The following KIAA1549 variants were observed in gnomAD, a reference collection of about 807,000 sequenced individuals.
KIAA1549 encodes the protein UPF0606 protein KIAA1549.
In KIAA1549, 70 loss-of-function variants were observed where a neutral mutation model predicts 156.4. The observed-to-expected ratio is 0.45, with a 90% CI of 0.37 to 0.55. The LOEUF (loss-of-function observed/expected upper bound fraction) is 0.55. Ranked by LOEUF, KIAA1549 falls within the 20% of genes least tolerant of loss-of-function variation. The pLI is 0.00. For synonymous variants in KIAA1549, 1,103 were observed against 1,066.4 expected, an observed-to-expected ratio of 1.03 and a Z score of -0.67; for missense variants, 2,428 against 2,540.9, an observed-to-expected ratio of 0.96 and a Z score of 0.96.
rs567943614 is a variant in KIAA1549, at chr7:138,848,999, C to A, written c.5294+3224G>T. Among the ~76,000 whole-genome samples, 19 of 152,264 alleles carry A rather than the reference C, an allele frequency of 1.2e-4. No homozygotes were observed. In the South Asian group the frequency reaches 3.9e-3, roughly 32 times the overall value. On this transcript the variant is annotated intron_variant, in intron 17 of 19. Transcript: ENST00000422774. ...CATCCCATCTCAGCCTCCAGAGTAG[C>A]TGGGATTACAACCATGCACCACTGC...
chr7:138,969,323 A>G (rs1380984616), intron 1 of KIAA1549, among the ~76,000 whole-genome samples: 2 of 152,116 alleles, frequency 1.3e-5, no homozygotes, highest in Admixed American at 6.5e-5. Context: ...CCATCCTTCT[A>G]CTTCCTGTCT....
chr7:138,894,160 A>C (rs1160951920), intron 10 of KIAA1549, among the ~76,000 whole-genome samples, 182 bp downstream of exon 10: 1 of 152,206 alleles, frequency 6.6e-6, no homozygotes, highest in Non-Finnish European at 1.5e-5. Context: ...TGTATTTACT[A>C]CCACAGAAGG....
At chr7:138,941,423 C>T (rs1265341181) in intron 1 of KIAA1549, among the ~76,000 whole-genome samples, 1 of 152,222 alleles carries the variant, frequency 6.6e-6, no homozygotes, top group Non-Finnish European at 1.5e-5. Context: ...GCATTTATTA[C>T]AGCACCTTTC....
intron 1 of KIAA1549, among the ~76,000 whole-genome samples, chr7:138,971,244 G>T (rs548922182): frequency 3.3e-5 from 5 of 152,242 alleles, no homozygotes; most frequent in African/African-American, 1.2e-4. Flanking sequence ...GAAGCCAGTT[G>T]TGTTTGCTCA....
chr7:138,976,052 CTTATT>C (rs774410656), intron 1 of KIAA1549, among the ~76,000 whole-genome samples: 4 of 152,126 alleles, frequency 2.6e-5, no homozygotes, highest in Admixed American at 2.0e-4. Flanking sequence ...ACAAAAAATG[CTTATT>C]TTATTTTACC....
rs374343503 is a variant in KIAA1549 at position 138,909,144 on chromosome 7, T to C, written c.3146-23A>G. On this transcript the variant is annotated intron_variant, in intron 4 of 19. Coordinates refer to ENST00000422774, the MANE Select transcript of KIAA1549 (RefSeq NM_001164665.2). ...GTACTGAAAAGAAAAGCAATCAAAG[T>C]CCCATAAATGAGGTGTTTGTGCTTC... 15 of 1,602,288 alleles carry C rather than the reference T, an allele frequency of 9.4e-6. No homozygotes were observed. The African/African-American group carries it at 1.3e-4, about 14-fold the overall frequency.
Position 138,835,158 on chromosome 7 carries a change from A to T in KIAA1549, c.*2748T>A, listed in dbSNP as rs1809670401. On this transcript the variant is annotated 3_prime_UTR_variant, in exon 20 of 20. Coordinates refer to ENST00000422774, the MANE Select transcript of KIAA1549 (RefSeq NM_001164665.2). ...CAAGGACCCTTCCTTTCAGTGGATG[A>T]CGTGAACTTAATGTCTGAAGACCGC... The T allele has an allele frequency of 4.5e-6, 1 of 220,420 alleles. No individual in the cohort carries two copies. The highest frequency in any genetic ancestry group is 9.1e-6 in the Non-Finnish European group (1 of 110,004). The allele number at this position is 220,420 out of a possible 1,614,324, so 13.7% of individuals were successfully genotyped here. A position where few individuals can be genotyped will look rare whatever the true frequency, so the allele number is the denominator to read the frequency against.
chr7:138,918,302 C>A lies in KIAA1549; in HGVS notation c.1324G>T (p.Val442Leu), dbSNP rs145624760. The change falls in exon 2 of 20, where the codon GTG (valine) becomes TTG (leucine). Residue 442 changes from valine to leucine, a missense_variant. Coordinates refer to ENST00000422774, the MANE Select transcript of KIAA1549 (RefSeq NM_001164665.2). This position sits in a 1 kb window ranked among gnomAD's most constrained non-coding sequence, Gnocchi z 4.2. The stretch of plus-strand genomic sequence containing the variant: ...GTCTCGGCACCATCCCCTGATCCCA[C>A]GTCTTTCTCCATGAGGCTCGTGGCC... ...VLATSLMEKD[V>L]GSGDGAETLC... 182 of 1,614,026 alleles carry A rather than the reference C, an allele frequency of 1.1e-4. No homozygotes were observed. In the African/African-American group the frequency reaches 1.9e-3, roughly 17 times the overall value.
chr7:138,917,189 C>T lies in KIAA1549; in HGVS notation c.2437G>A (p.Asp813Asn), dbSNP rs780555852. The part of the protein sequence containing the change: ...SLFSTLTPPD[D>N]QISALDGHVS... ...TGACCGTCTAGAGCACTGATTTGGTCGTCAGGAGGTGTCAGAGTTGAGAAC... is the reference window on the plus strand; with the variant it reads ...TGACCGTCTAGAGCACTGATTTGGTTGTCAGGAGGTGTCAGAGTTGAGAAC... The change falls in exon 2 of 20, where the codon GAC becomes AAC. Residue 813 changes from aspartate to asparagine, a missense_variant. Around this residue, in one of 5 missense-constraint regions of KIAA1549, gnomAD observed 762 missense variants for 901.6 expected, o/e 0.85. Transcript: ENST00000422774. 1.9e-5 allele frequency: 30 copies of T among 1,613,834 alleles called. No homozygotes were observed. The South Asian group carries it at 2.2e-4, about 12-fold the overall frequency.
At chr7:138,948,661 T>C (rs1291050358) in intron 1 of KIAA1549, among the ~76,000 whole-genome samples, 1 of 151,480 alleles carries the variant, frequency 6.6e-6, no homozygotes, top group African/African-American at 2.4e-5. Flanking sequence ...GTGCAGTGGT[T>C]TATGGGGTTT....
intron 1 of KIAA1549, among the ~76,000 whole-genome samples, chr7:138,942,811 G>A (rs1042168460): frequency 2.6e-5 from 4 of 152,100 alleles, no homozygotes; most frequent in African/African-American, 9.7e-5. Context: ...TCGGGAGGCT[G>A]AGGCAGGAGA....
At chr7:138,930,381 T>C (rs943637263) in intron 1 of KIAA1549, among the ~76,000 whole-genome samples, 12 of 152,198 alleles carry the variant, frequency 7.9e-5, no homozygotes, top group African/African-American at 1.2e-4. Flanking sequence ...GAGTCAGCCA[T>C]CCTTTGAAGC....
intron 1 of KIAA1549, among the ~76,000 whole-genome samples, chr7:138,942,570 C>A (rs541712280): frequency 2.6e-4 from 39 of 151,900 alleles, no homozygotes; most frequent in Admixed American, 6.6e-4. Context: ...CAGGCACCAG[C>A]CTTCTCAAGC....
chr7:138,914,548 C>T (rs568759739), intron 2 of KIAA1549, among the ~76,000 whole-genome samples: 10 of 152,146 alleles, frequency 6.6e-5, no homozygotes, highest in South Asian at 2.1e-4. Context: ...CAGGGGTACG[C>T]GGAGTCACCT....
chr7:138,933,321 C>T (rs1812924203), intron 1 of KIAA1549, among the ~76,000 whole-genome samples: 1 of 152,190 alleles, frequency 6.6e-6, no homozygotes, highest in African/African-American at 2.4e-5. Flanking sequence ...AATGTTTCCT[C>T]TACTCATGAG....
intron 1 of KIAA1549, among the ~76,000 whole-genome samples, chr7:138,948,298 G>T (rs1813392390): frequency 6.6e-6 from 1 of 152,162 alleles, no homozygotes; most frequent in East Asian, 1.9e-4. Context: ...CACACATGGA[G>T]GGAAGATGGT....
chr7:138,850,976 T>G (rs1000726070), intron 17 of KIAA1549, among the ~76,000 whole-genome samples: 1 of 152,232 alleles, frequency 6.6e-6, no homozygotes, highest in Admixed American at 6.5e-5. Flanking sequence ...TAAAGGAAGC[T>G]GTATTTTACA....
At chr7:138,891,611 G>C (rs1811548821) in intron 10 of KIAA1549, among the ~76,000 whole-genome samples, 1 of 152,220 alleles carries the variant, frequency 6.6e-6, no homozygotes, top group Non-Finnish European at 1.5e-5. Context: ...ACAATCTGAA[G>C]AGGTTTCCTT....
At chr7:138,888,997 A>G (rs1320464419) in intron 10 of KIAA1549, among the ~76,000 whole-genome samples, 1 of 152,180 alleles carries the variant, frequency 6.6e-6, no homozygotes, top group Non-Finnish European at 1.5e-5. Flanking sequence ...TTAACTACAT[A>G]CAAGGTGCCT....
Sources: allele counts gnomAD v4.1 joint callset (sites outside exome capture counted in the v4.1 genomes callset), GRCh38; gene constraint gnomAD v4.1.1; regional missense constraint gnomAD v4.1.1; non-coding constraint Gnocchi (gnomAD v3.1); transcripts MANE v1.5; gene names NCBI Gene and HGNC (gene_info 2026-07-23, HGNC 2026-07-21).